LRGUK: variants seen among roughly 807,000 people sequenced by gnomAD.
The protein encoded by LRGUK is leucine rich repeats and guanylate kinase domain containing, also known as leucine-rich repeat and guanylate kinase domain-containing protein.
LRGUK carries 65 observed loss-of-function variants against 76.0 expected under a neutral mutation model. That is an observed-to-expected ratio of 0.85 (90% CI 0.70 to 1.05). The LOEUF is 1.05. Among genes scored for constraint, LRGUK ranks in the 50% least tolerant of loss-of-function variants. The pLI is 0.00. For missense variants in LRGUK, 758 were observed against 732.8 expected, an observed-to-expected ratio of 1.03 and a Z score of -0.40; for synonymous variants, 268 against 265.6, an observed-to-expected ratio of 1.01 and a Z score of -0.09.
At chr7:134,142,958 CTG>C (rs1234327098) in intron 3 of LRGUK, 102 bp from the exon 4 acceptor site, 2 of 624,236 alleles carry the variant, frequency 3.2e-6, no homozygotes, top group Non-Finnish European at 5.7e-6. Flanking sequence ...GTCTTTGCAA[CTG>C]TTATAATTTT....
At chr7:134,235,016 A>G (rs1461732417) in intron 16 of LRGUK, among the ~76,000 whole-genome samples, 1 of 151,816 alleles carries the variant, frequency 6.6e-6, no homozygotes, top group African/African-American at 2.4e-5. Context: ...ATCCTGGTCT[A>G]CTCTTCCATT....
intron 10 of LRGUK, among the ~76,000 whole-genome samples, chr7:134,179,851 G>C (rs1240154700): frequency 6.6e-6 from 1 of 152,212 alleles, no homozygotes; most frequent in Non-Finnish European, 1.5e-5. Flanking sequence ...GTGCAGGCCT[G>C]CAATGCCCTT....
chr7:134,206,169 C>G (rs915560314), intron 15 of LRGUK, among the ~76,000 whole-genome samples: 1 of 152,182 alleles, frequency 6.6e-6, no homozygotes, highest in Non-Finnish European at 1.5e-5. Context: ...AAAATACTAA[C>G]TTTAGGTACA....
intron 15 of LRGUK, among the ~76,000 whole-genome samples, chr7:134,220,493 G>A (rs929055810): frequency 6.6e-6 from 1 of 152,000 alleles, no homozygotes; most frequent in Non-Finnish European, 1.5e-5. Flanking sequence ...CTGTCCCCAG[G>A]CAAAGTCCCT....
rs531841562 is a variant in LRGUK at position 134,163,325 on chromosome 7, A to G, written c.796-72A>G. On this transcript the variant is annotated intron_variant, in intron 6 of 15. Coordinates refer to ENST00000645682, the Ensembl canonical transcript of LRGUK. ...TAGAGAGATTTGGGTCAGTATCCCA[A>G]ATGAAAACTTGCCATTACAACTTTT... 3.3e-5 allele frequency: 47 copies of G among 1,414,368 alleles called. No homozygotes were observed. The African/African-American group carries it at 5.9e-4, about 18-fold the overall frequency. The allele number at this position is 1,414,368 out of a possible 1,614,324, so 87.6% of individuals were successfully genotyped here.
At position 134,127,709 on chromosome 7, in the gene LRGUK, G is replaced by T. The variant is rs781728150; in HGVS notation, c.297+45G>T. 9 of 1,557,594 alleles carry T rather than the reference G, an allele frequency of 5.8e-6. No individual in the cohort carries two copies. The East Asian group carries it at 9.2e-5, about 16-fold the overall frequency. ...CCGTACTCCCTGGCTCCCTCGTCCAGCCCTGTTACTTCAGCGGCAGCTCCC... is the reference window on the plus strand; with the variant it reads ...CCGTACTCCCTGGCTCCCTCGTCCATCCCTGTTACTTCAGCGGCAGCTCCC... On this transcript the variant is annotated intron_variant, in intron 1 of 15. Transcript: ENST00000645682.
intron 13 of LRGUK, among the ~76,000 whole-genome samples, chr7:134,198,343 G>A (rs78127612): frequency 6.6e-6 from 1 of 152,176 alleles, no homozygotes; most frequent in Non-Finnish European, 1.5e-5. Context: ...CTCCCTGGGA[G>A]TTCACTCTTC....
chr7:134,267,474 C>T (rs1802875965), downstream of LRGUK, among the ~76,000 whole-genome samples: 1 of 152,182 alleles, frequency 6.6e-6, no homozygotes, highest in South Asian at 2.1e-4. Context: ...TGAATTGTAG[C>T]TCCCATAATT....
intron 19 of LRGUK, among the ~76,000 whole-genome samples, chr7:134,259,411 C>G (rs111860596): frequency 0.025 from 3,799 of 152,100 alleles, 105 homozygotes; most frequent in African/African-American, 0.064. Flanking sequence ...GGAGAACTCT[C>G]TAATGCATGG....
intron 12 of LRGUK, among the ~76,000 whole-genome samples, chr7:134,195,821 G>A (rs185767955): frequency 7.9e-4 from 120 of 152,242 alleles, no homozygotes; most frequent in African/African-American, 2.9e-3. Flanking sequence ...GATATTTATT[G>A]TTGAGTTTTT....
At chr7:134,198,815 C>G (rs763389962) in intron 13 of LRGUK, among the ~76,000 whole-genome samples, 14 of 152,098 alleles carry the variant, frequency 9.2e-5, no homozygotes, top group Non-Finnish European at 2.1e-4. Context: ...CACAGAAGAG[C>G]CTTTTCTCCC....
chr7:134,269,350 C>CTTTTTTTTT (rs71172445), downstream of LRGUK, among the ~76,000 whole-genome samples: 4 of 123,920 alleles, frequency 3.2e-5, no homozygotes, highest in African/African-American at 9.3e-5. Context: ...GATTTCAATT[C>CTTTTTTTTT]TTTTTTTTTT....
chr7:134,170,088 T>A (rs1799178851), intron 7 of LRGUK, among the ~76,000 whole-genome samples: 1 of 152,048 alleles, frequency 6.6e-6, no homozygotes, highest in Admixed American at 6.5e-5. Context: ...TATATAAAAA[T>A]TTTTGATTAC....
intron 16 of LRGUK, 39 bp downstream of exon 16, chr7:134,221,957 T>C: frequency 6.6e-7 from 1 of 1,510,858 alleles, no homozygotes; most frequent in South Asian, 1.4e-5. Flanking sequence ...ACAACTGAGC[T>C]CTATACAATG....
At chr7:134,145,846 C>T (rs1035012556) in intron 4 of LRGUK, among the ~76,000 whole-genome samples, 1 of 152,186 alleles carries the variant, frequency 6.6e-6, no homozygotes, top group Admixed American at 6.5e-5. Flanking sequence ...CTTGTATGTG[C>T]ACTCTTTTTG....
At chr7:134,156,737 TA>T (rs1029860099) in intron 5 of LRGUK, among the ~76,000 whole-genome samples, 8 of 152,240 alleles carry the variant, frequency 5.3e-5, no homozygotes, top group East Asian at 1.9e-4. Flanking sequence ...AATCAATATT[TA>T]AAAAAAATTA....
chr7:134,143,233 C>A, intron 4 of LRGUK, 71 bp downstream of exon 4: 1 of 838,028 alleles, frequency 1.2e-6, no homozygotes, highest in Non-Finnish European at 2.1e-6. Flanking sequence ...CAAAATAGCA[C>A]TCAAATAGAG....
At chr7:134,274,681 T>G in the LRGUK span, among the ~76,000 whole-genome samples, 1 of 152,202 alleles carries the variant, frequency 6.6e-6, no homozygotes, top group African/African-American at 2.4e-5. Flanking sequence ...AGGACTATTA[T>G]ATTGCAATTA....
At chr7:134,241,641 A>T (rs1802155858) in intron 16 of LRGUK, among the ~76,000 whole-genome samples, 1 of 152,208 alleles carries the variant, frequency 6.6e-6, no homozygotes, top group Non-Finnish European at 1.5e-5. Context: ...CATTAGACAG[A>T]TCAATGAGAC....
Sources: gnomAD v4.1 joint callset for allele counts (sites outside exome capture counted in the v4.1 genomes callset) on GRCh38, gnomAD v4.1.1 for gene constraint, MANE v1.5 for transcripts, NCBI Gene and HGNC (gene_info 2026-07-23, HGNC 2026-07-21) for gene names.